Variants in ZBTB7C observed in about 807,000 individuals in gnomAD.
ZBTB7C encodes zinc finger and BTB domain containing 7C, also known as zinc finger and BTB domain-containing protein 7C.
In ZBTB7C, 8 loss-of-function variants were observed where a neutral mutation model predicts 25.7. That is an observed-to-expected ratio of 0.31 (90% CI 0.18 to 0.56). The LOEUF (loss-of-function observed/expected upper bound fraction) is 0.56, where lower values mean the gene tolerates loss of function less well. ZBTB7C is among the 20% of genes least tolerant of loss of function. The pLI, the probability that ZBTB7C is intolerant of heterozygous loss-of-function variation, is 0.91. For synonymous variants in ZBTB7C, 394 were observed against 369.0 expected (o/e 1.07, Z -0.78); for missense variants, 824 against 855.2 (o/e 0.96, Z 0.46).
At chr18:48,308,816 C>T (rs972048522) in intron 2 of ZBTB7C, among the ~76,000 whole-genome samples, 1 of 152,184 alleles carries the variant, frequency 6.6e-6, no homozygotes, top group African/African-American at 2.4e-5. Context: ...GGTACATTCT[C>T]GAGCCCCATC....
chr18:48,282,987 C>T (rs896017210), intron 2 of ZBTB7C, among the ~76,000 whole-genome samples: 3 of 152,088 alleles, frequency 2.0e-5, no homozygotes, highest in African/African-American at 7.2e-5. Context: ...ATGATGTGTA[C>T]ATTTTCTATG....
At chr18:48,103,106 T>C (rs79581701) in intron 3 of ZBTB7C, among the ~76,000 whole-genome samples, 1 of 88,968 alleles carries the variant, frequency 1.1e-5, no homozygotes, top group Non-Finnish European at 2.0e-5. Flanking sequence ...TATTATATAT[T>C]TTATATTATC....
chr18:48,245,105 C>A (rs77003644), intron 2 of ZBTB7C, among the ~76,000 whole-genome samples: 6 of 122,692 alleles, frequency 4.9e-5, no homozygotes, highest in African/African-American at 2.1e-4. Flanking sequence ...TATATATATA[C>A]ACACACACAC....
At chr18:48,363,153 G>A (rs1044584967) in intron 1 of ZBTB7C, among the ~76,000 whole-genome samples, 1 of 152,178 alleles carries the variant, frequency 6.6e-6, no homozygotes, top group African/African-American at 2.4e-5. Flanking sequence ...AGATACTGAG[G>A]CTCACTAAGG....
At chr18:48,042,997 G>C (rs1036010147) in intron 3 of ZBTB7C, among the ~76,000 whole-genome samples, 1 of 152,196 alleles carries the variant, frequency 6.6e-6, no homozygotes, top group Non-Finnish European at 1.5e-5. Context: ...TCAATATCAT[G>C]AGCCATTAGG....
At chr18:48,037,906 C>T (rs546973499) in intron 4 of ZBTB7C, among the ~76,000 whole-genome samples, 40 of 152,322 alleles carry the variant, frequency 2.6e-4, no homozygotes, top group African/African-American at 9.4e-4. Context: ...CTGGGACTCT[C>T]GGGCTGAAGC....
In ZBTB7C at chr18:48,370,208, C is replaced by T. The variant is rs182961352; in HGVS notation, c.-303-31810G>A. ...GTGAATGGTTAAACAAACTGTGGCA[C>T]CTACATACCATGGAATACTACTTAG... is the stretch of plus-strand genomic sequence containing the variant. On this transcript the variant is annotated intron_variant, in intron 1 of 4. Transcript: ENST00000590800. Among the ~76,000 whole-genome samples the T allele has an allele frequency of 2.1e-3, 312 of 152,138 alleles. 2 individuals carry two copies. The highest frequency in any genetic ancestry group is 6.8e-3 in the African/African-American group (282 of 41,506).
chr18:48,243,271 A>C lies in ZBTB7C; in HGVS notation c.-78-57276T>G, dbSNP rs1453212790. On this transcript the variant is annotated intron_variant, in intron 2 of 4. Coordinates refer to ENST00000590800, the MANE Select transcript of ZBTB7C (RefSeq NM_001318841.2). ...AGAGCAAGACTCTCTACCCCCCCAC[A>C]AAAAAAAAAAAAAAAAAAAGCTCCT... Among the ~76,000 whole-genome samples the C allele has an allele frequency of 0.014, 153 of 11,124 alleles. 1 individual carries two copies. The East Asian group carries it at 0.4, about 29-fold the overall frequency. 7.3% of individuals were successfully genotyped at this position (11,124 alleles called of 152,430 possible). A position where few individuals can be genotyped will look rare whatever the true frequency, so the allele number is the denominator to read the frequency against.
chr18:48,082,511 G>A (rs926601457), intron 3 of ZBTB7C, among the ~76,000 whole-genome samples: 4 of 152,168 alleles, frequency 2.6e-5, no homozygotes, highest in Non-Finnish European at 4.4e-5. Context: ...GGTAGGAGGT[G>A]TGTGCAGGCA....
intron 2 of ZBTB7C, among the ~76,000 whole-genome samples, chr18:48,316,292 G>A (rs899715325): frequency 6.6e-6 from 1 of 152,180 alleles, no homozygotes; most frequent in Non-Finnish European, 1.5e-5. Context: ...TTAGGAGTAG[G>A]AGCTGCCTGA....
chr18:48,079,729 C>T (rs116657076), intron 3 of ZBTB7C, among the ~76,000 whole-genome samples: 206 of 152,384 alleles, frequency 1.4e-3, no homozygotes, highest in African/African-American at 4.6e-3. Flanking sequence ...GGCTCCAGCC[C>T]GCTGGAAAGG....
chr18:48,267,077 C>T (rs2044337391), intron 2 of ZBTB7C, among the ~76,000 whole-genome samples: 2 of 152,288 alleles, frequency 1.3e-5, no homozygotes, highest in South Asian at 4.2e-4. Flanking sequence ...CTGCAGTGAA[C>T]ACCCTGGTAC....
At chr18:48,119,901 C>T (rs1310954236) in intron 3 of ZBTB7C, among the ~76,000 whole-genome samples, 1 of 152,290 alleles carries the variant, frequency 6.6e-6, no homozygotes, top group East Asian at 1.9e-4. Flanking sequence ...TGAGAGAAGG[C>T]ACTTTGAGTC....
At chr18:48,088,082 C>T (rs1598854454) in intron 3 of ZBTB7C, among the ~76,000 whole-genome samples, 7 of 152,274 alleles carry the variant, frequency 4.6e-5, no homozygotes, top group Middle Eastern at 3.4e-3. Context: ...AATCAAATAT[C>T]GACAAAGCCC....
chr18:48,247,795 T>C (rs2043737993), intron 2 of ZBTB7C, among the ~76,000 whole-genome samples: 1 of 152,178 alleles, frequency 6.6e-6, no homozygotes, highest in Non-Finnish European at 1.5e-5. Context: ...AGATCTGAGG[T>C]CTGCTGGTTT....
intron 1 of ZBTB7C, among the ~76,000 whole-genome samples, chr18:48,394,434 T>G (rs1269448112): frequency 6.6e-6 from 1 of 152,134 alleles, no homozygotes; most frequent in Admixed American, 6.5e-5. Context: ...AGCTGAAGGG[T>G]AGGGGGTGAG....
At chr18:48,251,297 A>G (rs2043849795) in intron 2 of ZBTB7C, among the ~76,000 whole-genome samples, 1 of 152,216 alleles carries the variant, frequency 6.6e-6, no homozygotes, top group Non-Finnish European at 1.5e-5. Flanking sequence ...TATAGCATAT[A>G]AAATAGTTGA....
chr18:48,108,631 A>G (rs1265290823), intron 3 of ZBTB7C, among the ~76,000 whole-genome samples: 1 of 152,164 alleles, frequency 6.6e-6, no homozygotes, highest in Non-Finnish European at 1.5e-5. Flanking sequence ...CTGTAGAGAC[A>G]GGGTCTTGCT....
intron 2 of ZBTB7C, among the ~76,000 whole-genome samples, chr18:48,239,404 C>G (rs1181111073): frequency 6.6e-6 from 1 of 152,212 alleles, no homozygotes; most frequent in Non-Finnish European, 1.5e-5. Context: ...CTAGCACAAC[C>G]AGCATTCGAG....
Sources: gnomAD v4.1 joint callset for allele counts (sites outside exome capture counted in the v4.1 genomes callset) on GRCh38, gnomAD v4.1.1 for gene constraint, MANE v1.5 for transcripts, NCBI Gene and HGNC (gene_info 2026-07-23, HGNC 2026-07-21) for gene names.